The following TMEM164 variants were observed in gnomAD, a reference collection of about 807,000 sequenced individuals.
The protein encoded by TMEM164 is transmembrane protein 164.
TMEM164 carries 4 observed loss-of-function variants against 18.8 expected under a neutral mutation model. The observed-to-expected ratio is 0.21, with a 90% confidence interval of 0.10 to 0.49. TMEM164 has a LOEUF of 0.49. TMEM164 is among the 20% of genes least tolerant of loss of function. TMEM164 has a pLI of 0.98. For synonymous variants in TMEM164, 86 were observed against 101.7 expected (o/e 0.85, Z 0.93); for missense variants, 108 against 239.9 (o/e 0.45, Z 3.63).
chrX:110,106,897 A>G (rs1025554206), intron 3 of TMEM164, among the ~76,000 whole-genome samples: 2 of 112,064 alleles, frequency 1.8e-5, no homozygotes, highest in Non-Finnish European at 3.8e-5. Flanking sequence ...TGCCACCTTG[A>G]ATGACACTGC....
intron 2 of TMEM164, among the ~76,000 whole-genome samples, chrX:110,014,744 C>CT (rs142705177): frequency 0.013 from 695 of 54,176 alleles, 2 homozygotes; most frequent in Non-Finnish European, 0.018. Context: ...TTGGTTGTTT[C>CT]TTTTTTTTTT....
chrX:110,039,917 G>A (rs1257848772), intron 2 of TMEM164, among the ~76,000 whole-genome samples: 1 of 111,552 alleles, frequency 9.0e-6, no homozygotes, highest in Non-Finnish European at 1.9e-5. Context: ...TAAGGGGTTG[G>A]GGGTGGCTCA....
At chrX:110,170,604 A>G (rs963133284) in intron 5 of TMEM164, among the ~76,000 whole-genome samples, 1 of 111,718 alleles carries the variant, frequency 9.0e-6, no homozygotes, top group African/African-American at 3.3e-5. Context: ...CCATGCCCCC[A>G]TTCTCCAAGA....
chrX:110,051,308 G>A (rs1214840041), intron 2 of TMEM164, among the ~76,000 whole-genome samples: 1 of 111,289 alleles, frequency 9.0e-6, no homozygotes, highest in Non-Finnish European at 1.9e-5. Flanking sequence ...GCATCTTGAG[G>A]AGTAGGCCCC....
Position 110,022,319 on chromosome X carries a change from G to C in TMEM164, c.390+18155G>C, listed in dbSNP as rs184089646. Among the ~76,000 whole-genome samples the C allele has an allele frequency of 2.6e-4, 29 of 111,083 alleles. No individual in the cohort carries two copies. In the East Asian group the frequency reaches 8.1e-3, roughly 31 times the overall value. ...TGTTGGTCCCATAGCCTGCTAGTTA[G>C]TTGTTTACTTGTCAAGAGAGATCTA... is the stretch of plus-strand genomic sequence containing the variant. On this transcript the variant is annotated intron_variant, in intron 2 of 6. Coordinates refer to ENST00000372068, the MANE Select transcript of TMEM164 (RefSeq NM_032227.4).
At chrX:110,061,182 A>G (rs1936105976) in intron 2 of TMEM164, among the ~76,000 whole-genome samples, 1 of 112,599 alleles carries the variant, frequency 8.9e-6, no homozygotes, top group Admixed American at 9.4e-5. Flanking sequence ...AAATCAGGAT[A>G]ATTATAGCTA....
chrX:110,108,892 A>G (rs1181119514), intron 3 of TMEM164, among the ~76,000 whole-genome samples, 188 bp from the exon 4 acceptor site: 4 of 112,265 alleles, frequency 3.6e-5, no homozygotes, highest in African/African-American at 9.7e-5. Context: ...GCTCTTCAGA[A>G]CATTTCAGTT....
rs762465275 is a variant in TMEM164 at position 110,176,451 on chromosome X, CTT to C, written c.*3002_*3003del. ...CTCAGTCTCCCCAAGTCAGCAATCT[CTT>C]TCTCTCTCTCTCCTCAAACTTCATC... On this transcript the variant is annotated 3_prime_UTR_variant, in exon 7 of 7. Transcript: ENST00000372068. 46 of 748,810 alleles carry C rather than the reference CTT, an allele frequency of 6.1e-5. No individual in the cohort carries two copies. The highest frequency in any genetic ancestry group is 6.8e-5 in the Non-Finnish European group (43 of 633,900). The allele number at this position is 748,810 out of a possible 1,213,427, so 61.7% of individuals were successfully genotyped here. A position where few individuals can be genotyped will look rare whatever the true frequency, so the allele number is the denominator to read the frequency against.
chrX:110,172,832 G>A (rs1602750337), intron 6 of TMEM164, among the ~76,000 whole-genome samples: 1 of 112,134 alleles, frequency 8.9e-6, no homozygotes, highest in East Asian at 2.8e-4. Context: ...GCCCTGTCTG[G>A]TTTGGGGTCA....
intron 5 of TMEM164, among the ~76,000 whole-genome samples, chrX:110,166,198 TC>T (rs1274858898): frequency 8.9e-6 from 1 of 111,937 alleles, no homozygotes; most frequent in Non-Finnish European, 1.9e-5. Flanking sequence ...CTATAACCTC[TC>T]CTTCCTTCAA....
At chrX:110,062,159 A>T (rs1401312530) in intron 2 of TMEM164, among the ~76,000 whole-genome samples, 2 of 111,774 alleles carry the variant, frequency 1.8e-5, no homozygotes, top group Non-Finnish European at 3.8e-5. Flanking sequence ...GCCTGGGAAA[A>T]TTTTTTGCAA....
At chrX:110,155,114 G>A (rs1377204507) in intron 5 of TMEM164, among the ~76,000 whole-genome samples, 1 of 111,659 alleles carries the variant, frequency 9.0e-6, no homozygotes, top group African/African-American at 3.3e-5. Context: ...GTGCCTTGCT[G>A]TGTTCTAAAG....
chrX:110,037,658 AAAGGTGTGTCTTG>A (rs1934875773), intron 2 of TMEM164, among the ~76,000 whole-genome samples: 1 of 111,598 alleles, frequency 9.0e-6, no homozygotes. Flanking sequence ...TGGTACCTTG[AAAGGTGTGTCTTG>A]AATGGCTCTT....
chrX:110,109,141 C>G lies in TMEM164; in HGVS notation c.502C>G (p.Arg168Gly). 8.3e-7 allele frequency: 1 copy of G among 1,208,592 alleles called. No homozygotes were observed. Among genetic ancestry groups the G allele is most frequent in the Non-Finnish European group, 1.1e-6 (1 of 892,723 alleles). Residue 168 changes from arginine (R) to glycine (G), a missense_variant, in exon 4 of 7, where the codon CGG (arginine) becomes GGG (glycine). Transcript: ENST00000372068. ...LALLFPVVNT[R>G]LLPFELEIYY... is the part of the protein sequence containing the mutation. ...ATTGCTGTTTCCTGTGGTAAACACT[C>G]GGCTGGTAAGTAGCCTCTTCTAGGA...
chrX:110,065,861 T>A (rs1012403663), intron 2 of TMEM164, among the ~76,000 whole-genome samples: 6 of 112,324 alleles, frequency 5.3e-5, no homozygotes, highest in Non-Finnish European at 9.4e-5. Flanking sequence ...ATAAGTAGCC[T>A]AACCTCAATT....
At chrX:110,139,715 G>C (rs1191472632) in intron 4 of TMEM164, among the ~76,000 whole-genome samples, 1 of 111,559 alleles carries the variant, frequency 9.0e-6, no homozygotes, top group Non-Finnish European at 1.9e-5. Flanking sequence ...AGTGTGTCAG[G>C]AGAGTTGGGA....
chrX:110,058,581 GTCCCCTCCCC>G (rs1226740976), intron 2 of TMEM164, among the ~76,000 whole-genome samples: 1 of 99,490 alleles, frequency 1.0e-5, no homozygotes, highest in Non-Finnish European at 2.0e-5. Flanking sequence ...CATTCTTTGG[GTCCCCTCCCC>G]TCCCCTCCCC....
intron 3 of TMEM164, among the ~76,000 whole-genome samples, chrX:110,086,848 G>A (rs961683181): frequency 1.2e-4 from 13 of 110,665 alleles, no homozygotes; most frequent in African/African-American, 3.9e-4. Flanking sequence ...CTAGAAGGCA[G>A]TGGGAGACAT....
At chrX:110,126,810 CTGTGTGTGTGTGTGTGTGTGTGTG>C (rs4035483) in intron 4 of TMEM164, among the ~76,000 whole-genome samples, 119 of 69,581 alleles carry the variant, frequency 1.7e-3, no homozygotes, top group Non-Finnish European at 2.9e-3. Context: ...TGGGCCACTC[CTGTGTGTGTGTGTGTGTGTGTGTG>C]TGTGTGTGTG....
Sources: allele counts gnomAD v4.1 joint callset (sites outside exome capture counted in the v4.1 genomes callset), GRCh38; gene constraint gnomAD v4.1.1; transcripts MANE v1.5; gene names NCBI Gene and HGNC (gene_info 2026-07-23, HGNC 2026-07-21).